BCKDHB: variants seen among roughly 807,000 people sequenced by gnomAD.
The protein encoded by BCKDHB is 2-oxoisovalerate dehydrogenase subunit beta, mitochondrial.
In BCKDHB, 41 loss-of-function variants were observed where a neutral mutation model predicts 48.5. That is an observed-to-expected ratio of 0.85 (90% CI 0.66 to 1.10). The LOEUF (loss-of-function observed/expected upper bound fraction) is 1.10, where lower values mean the gene tolerates loss of function less well. Ranked by LOEUF, BCKDHB falls within the 50% of genes least tolerant of loss-of-function variation. BCKDHB has a pLI of 0.00. For synonymous variants in BCKDHB, 201 were observed against 174.8 expected, an observed-to-expected ratio of 1.15 and a Z score of -1.18; for missense variants, 496 against 494.2, an observed-to-expected ratio of 1.00 and a Z score of -0.03.
the BCKDHB span, among the ~76,000 whole-genome samples, chr6:80,384,891 G>A: frequency 6.6e-6 from 1 of 152,232 alleles, no homozygotes; most frequent in Middle Eastern, 3.4e-3. Context: ...TGGGATTTCT[G>A]GAGTTGGCTA....
intron 8 of BCKDHB, among the ~76,000 whole-genome samples, chr6:80,205,832 G>T (rs1176532555): frequency 7.4e-6 from 1 of 135,006 alleles, no homozygotes; most frequent in African/African-American, 2.6e-5. Context: ...GTGTGTGTGT[G>T]TGTAGGTGGA....
intron 9 of BCKDHB, among the ~76,000 whole-genome samples, chr6:80,284,278 A>G (rs1481251725): frequency 2.0e-5 from 3 of 152,150 alleles, no homozygotes; most frequent in Non-Finnish European, 2.9e-5. Context: ...GAAGTTAAAC[A>G]CTTGTGAAAA....
At chr6:80,386,417 T>C in the BCKDHB span, among the ~76,000 whole-genome samples, 1 of 151,548 alleles carries the variant, frequency 6.6e-6, no homozygotes, top group Non-Finnish European at 1.5e-5. Context: ...TGCAGGAATA[T>C]AGATGGGGCT....
rs140276307 is a variant in BCKDHB at position 80,145,878 on chromosome 6, T to A, written c.343+16649T>A. Among the ~76,000 whole-genome samples, 264 of 152,290 alleles carry A rather than the reference T, an allele frequency of 1.7e-3. 1 individual carries two copies. Among genetic ancestry groups the A allele is most frequent in the African/African-American group, 6.0e-3 (250 of 41,568 alleles). On this transcript the variant is annotated intron_variant, in intron 3 of 9. Transcript: ENST00000320393. ...CACTTCTTTAGTATGCCCTGGGATC[T>A]CTTGGGTTATTTTCCTGGTTACAGA...
chr6:80,197,174 G>A (rs1311072559), intron 6 of BCKDHB, among the ~76,000 whole-genome samples: 10 of 152,248 alleles, frequency 6.6e-5, no homozygotes, highest in Admixed American at 2.0e-4. Context: ...TAGCCGTGGG[G>A]TAGGAATGCA....
chr6:80,171,448 G>T, intron 6 of BCKDHB, 58 bp downstream of exon 6: 1 of 990,924 alleles, frequency 1.0e-6, no homozygotes, highest in South Asian at 1.6e-5. Context: ...GTTTTTTATA[G>T]CTCTAAAAGT....
At chr6:80,412,482 CA>C in the BCKDHB span, among the ~76,000 whole-genome samples, 1 of 152,078 alleles carries the variant, frequency 6.6e-6, no homozygotes, top group African/African-American at 2.4e-5. Flanking sequence ...CATCTATTAA[CA>C]AATTATTGTA....
intron 9 of BCKDHB, among the ~76,000 whole-genome samples, chr6:80,315,818 G>T (rs1383127504): frequency 1.3e-5 from 2 of 152,040 alleles, no homozygotes; most frequent in Non-Finnish European, 2.9e-5. Flanking sequence ...GCTCTTAGTA[G>T]TTCACTGGCA....
At position 80,290,650 on chromosome 6, in the gene BCKDHB, T is replaced by C. The variant is rs1766865466; in HGVS notation, c.1038+17429T>C. On this transcript the variant is annotated intron_variant, in intron 9 of 9. Coordinates refer to ENST00000320393, the MANE Select transcript of BCKDHB (RefSeq NM_183050.4). The stretch of plus-strand genomic sequence containing the variant: ...AGCACAAGAATTTGTTACCAGAAAG[T>C]GGTCCCAATTCAGACCCCAAGAGAG... Among the ~76,000 whole-genome samples, 3 of 152,174 alleles carry C rather than the reference T, an allele frequency of 2.0e-5. No individual in the cohort carries two copies. The South Asian group carries it at 6.2e-4, about 32-fold the overall frequency.
At chr6:80,317,725 A>G (rs1327561777) in intron 9 of BCKDHB, among the ~76,000 whole-genome samples, 1 of 152,200 alleles carries the variant, frequency 6.6e-6, no homozygotes, top group African/African-American at 2.4e-5. Context: ...TGCATATCAC[A>G]ATCCCTTTCT....
chr6:80,363,216 TG>T, the BCKDHB span, among the ~76,000 whole-genome samples: 42 of 152,188 alleles, frequency 2.8e-4, no homozygotes, highest in African/African-American at 9.6e-4. Context: ...ACACAAACAA[TG>T]AAAGCAAAAG....
At chr6:80,153,347 C>G (rs1771883800) in intron 3 of BCKDHB, among the ~76,000 whole-genome samples, 1 of 152,228 alleles carries the variant, frequency 6.6e-6, no homozygotes, top group South Asian at 2.1e-4. Context: ...CCTTCCCCAC[C>G]CCACCCTTCA....
chr6:80,112,055 A>T (rs753477977), intron 1 of BCKDHB, among the ~76,000 whole-genome samples: 9 of 152,254 alleles, frequency 5.9e-5, no homozygotes, highest in Non-Finnish European at 1.3e-4. Context: ...AGTCATGTGA[A>T]CTTGAAAATT....
At chr6:80,211,729 C>T (rs742833) in intron 8 of BCKDHB, among the ~76,000 whole-genome samples, 92,422 of 152,008 alleles carry the variant, frequency 0.61, 28,329 homozygotes, top group South Asian at 0.76. Context: ...CTGCCCCCAA[C>T]ATTTCAACAT....
chr6:80,366,425 G>C, the BCKDHB span, among the ~76,000 whole-genome samples: 1 of 152,098 alleles, frequency 6.6e-6, no homozygotes, highest in Non-Finnish European at 1.5e-5. Flanking sequence ...CATAGACATA[G>C]TCAGCAACAT....
At chr6:80,411,755 G>A in the BCKDHB span, among the ~76,000 whole-genome samples, 9 of 152,344 alleles carry the variant, frequency 5.9e-5, no homozygotes, top group Non-Finnish European at 7.3e-5. Context: ...CTCTGTGGGC[G>A]TGTGACCCAC....
At chr6:80,271,445 C>T (rs1196691499) in intron 8 of BCKDHB, among the ~76,000 whole-genome samples, 3 of 152,146 alleles carry the variant, frequency 2.0e-5, no homozygotes, top group Non-Finnish European at 4.4e-5. Context: ...TCACCATCCA[C>T]TCTGTGGCCA....
chr6:80,158,513 G>A (rs532610121), intron 3 of BCKDHB, among the ~76,000 whole-genome samples: 224 of 152,220 alleles, frequency 1.5e-3, no homozygotes, highest in African/African-American at 5.3e-3. Flanking sequence ...TCATATTCTA[G>A]AACCATAAAA....
At chr6:80,408,814 A>C in the BCKDHB span, among the ~76,000 whole-genome samples, 10 of 134,174 alleles carry the variant, frequency 7.5e-5, no homozygotes, top group East Asian at 2.2e-4. Flanking sequence ...AAAAAAAAAA[A>C]CCAAACAGCT....
Sources: gnomAD v4.1 joint callset for allele counts (sites outside exome capture counted in the v4.1 genomes callset) on GRCh38, gnomAD v4.1.1 for gene constraint, MANE v1.5 for transcripts, NCBI Gene and HGNC (gene_info 2026-07-23, HGNC 2026-07-21) for gene names.